Variants in PCDHB3 observed in about 807,000 individuals in gnomAD.
The protein encoded by PCDHB3 is protocadherin beta 3.
For synonymous variants in PCDHB3, 479 were observed against 456.0 expected (o/e 1.05, Z -0.64); for missense variants, 967 against 1,012.1 (o/e 0.96, Z 0.60).
Position 141,102,379 on chromosome 5 carries a change from C to G in PCDHB3, c.1730C>G (p.Pro577Arg), listed in dbSNP as rs1281090730. ...TCCGCGCCCTGCACCGAGCTGGTGC[C>G]CCGGGCGGCTGAGCCGGGCTACCTG... ...NGSAPCTELV[P>R]RAAEPGYLVT... Residue 577 changes from proline to arginine, a missense_variant, in exon 1 of 1, where the codon CCC becomes CGC. Physicochemically the swap from Pro to Arg is moderately radical, Grantham distance 103 (BLOSUM62 -2). Transcript: ENST00000231130. 4.3e-6 allele frequency: 7 copies of G among 1,611,004 alleles called. No homozygotes were observed. Among genetic ancestry groups the G allele is most frequent in the Non-Finnish European group, 5.1e-6 (6 of 1,179,692 alleles).
rs3896009 is a variant in PCDHB3 at position 141,102,518 on chromosome 5, A to G, written c.1869A>G (p.Glu623=). 0.033 allele frequency: 50,358 copies of G among 1,506,020 alleles called. 4,845 individuals are homozygous for G. The highest frequency in any genetic ancestry group is 0.074 in the South Asian group (6,348 of 85,474). 93.3% of individuals were successfully genotyped at this position (1,506,020 alleles called of 1,614,324 possible). A position where few individuals can be genotyped will look rare whatever the true frequency, so the allele number is the denominator to read the frequency against. The part of the protein sequence containing the change: ...GLFGVWAHNG[E]VRTARLLSER... ...TCGGCGTGTGGGCGCACAATGGCGA[A>G]GTGCGCACCGCCAGGCTGCTGAGCG... is the stretch of plus-strand genomic sequence containing the variant. The change falls in exon 1 of 1, where the codon GAA becomes GAG. Residue 623 remains glutamate, a synonymous_variant. Transcript: ENST00000231130.
chr5:141,102,131 G>A lies in PCDHB3; in HGVS notation c.1482G>A (p.Gln494=). The change falls in exon 1 of 1, where the codon CAG becomes CAA. Residue 494 remains glutamine (Q), a synonymous_variant. Transcript: ENST00000231130. ...TAACCTACTCGCTGCTGCCGCCCCA[G>A]GACCCGCACCTGCCCCTCTCTTCCC... ...AQVTYSLLPP[Q]DPHLPLSSLV... is the part of the protein sequence containing the mutation. 2 of 1,612,976 alleles carry A rather than the reference G, an allele frequency of 1.2e-6. No individual in the cohort carries two copies. Among genetic ancestry groups the A allele is most frequent in the Non-Finnish European group, 8.5e-7 (1 of 1,180,026 alleles).
Position 141,101,179 on chromosome 5 carries a change from A to T in PCDHB3, c.530A>T (p.His177Leu). ...AACTACACTATCACTCCGAATTCCC[A>T]CTTCCACGTACTCACTCGCAGTCGT... ...LQNYTITPNSHFHVLTRSRRD... is the reference protein window; with the variant it reads ...LQNYTITPNSLFHVLTRSRRD... Residue 177 changes from histidine (H) to leucine (L), a missense_variant, in exon 1 of 1, where the codon CAC (histidine) becomes CTC (leucine). Coordinates refer to ENST00000231130, the MANE Select transcript of PCDHB3 (RefSeq NM_018937.5). The T allele has an allele frequency of 6.2e-7, 1 of 1,614,170 alleles. No individual in the cohort carries two copies. The highest frequency in any genetic ancestry group is 1.1e-5 in the South Asian group (1 of 91,086).
At position 141,102,603 on chromosome 5, in the gene PCDHB3, C is replaced by T. The variant is rs1395640142; in HGVS notation, c.1954C>T (p.Arg652Cys). The change falls in exon 1 of 1, where the codon CGC becomes TGC. Residue 652 changes from arginine to cysteine, a missense_variant. Coordinates refer to ENST00000231130, the MANE Select transcript of PCDHB3 (RefSeq NM_018937.5). ...GGTCAAGGACAATGGCGAGCCTCCG[C>T]GCTCGGCCACCGCCACGCTGCATGT... ...VLVKDNGEPPRSATATLHVLL... is the reference protein window; with the variant it reads ...VLVKDNGEPPCSATATLHVLL... The T allele has an allele frequency of 1.3e-5, 21 of 1,608,486 alleles. No individual in the cohort carries two copies. The highest frequency in any genetic ancestry group is 1.6e-5 in the Non-Finnish European group (19 of 1,179,686).
chr5:141,101,722 AG>A lies in PCDHB3; in HGVS notation c.1074del (p.Asn359ThrfsTer15), dbSNP rs1751947676. ...TCTTCAGTAAACAGCCCTATTCCTG[AG>A]AACTCGGGAGAGACTGTACTGGCTG... ...TLSSVNSPIPENSGETVLAVF... is the reference protein window; with the variant it reads ...TLSSVNSPIPXNSGETVLAVF... On this transcript the variant is annotated frameshift_variant, in exon 1 of 1. Coordinates refer to ENST00000231130, the MANE Select transcript of PCDHB3 (RefSeq NM_018937.5). LOFTEE classifies it low-confidence loss of function (END_TRUNC). The A allele has an allele frequency of 6.2e-7, 1 of 1,613,962 alleles. No individual in the cohort carries two copies. The highest frequency in any genetic ancestry group is 1.3e-5 in the African/African-American group (1 of 75,034).
rs374259978 is a variant in PCDHB3 at position 141,101,187 on chromosome 5, G to A, written c.538G>A (p.Val180Ile). ...YTITPNSHFH[V>I]LTRSRRDGRK... ...TATCACTCCGAATTCCCACTTCCAC[G>A]TACTCACTCGCAGTCGTAGGGACGG... Residue 180 changes from valine to isoleucine, a missense_variant, in exon 1 of 1, where the codon GTA (valine) becomes ATA (isoleucine). Val to Ile is a conservative substitution (Grantham distance 29). Coordinates refer to ENST00000231130, the MANE Select transcript of PCDHB3 (RefSeq NM_018937.5). 3.1e-6 allele frequency: 5 copies of A among 1,614,086 alleles called. No individual in the cohort carries two copies. Among genetic ancestry groups the A allele is most frequent in the East Asian group, 2.2e-5 (1 of 44,878 alleles).
In PCDHB3 at chr5:141,101,762, T is replaced by C; in HGVS notation, c.1113T>C (p.Ser371=). The C allele has an allele frequency of 6.2e-7, 1 of 1,614,158 alleles. No homozygotes were observed. Among genetic ancestry groups the C allele is most frequent in the Non-Finnish European group, 8.5e-7 (1 of 1,180,036 alleles). ...CTGTACTGGCTGTTTTCAGTGTTTC[T>C]GATCTAGACTCTGGAGACAACGGAA... The part of the protein sequence containing the change: ...GETVLAVFSV[S]DLDSGDNGRV... Residue 371 remains serine (S), a synonymous_variant, in exon 1 of 1, where the codon TCT becomes TCC. Coordinates refer to ENST00000231130, the MANE Select transcript of PCDHB3 (RefSeq NM_018937.5).
Position 141,102,527 on chromosome 5 carries a change from C to A in PCDHB3, c.1878C>A (p.Thr626=). 4 of 1,608,576 alleles carry A rather than the reference C, an allele frequency of 2.5e-6. No individual in the cohort carries two copies. Among genetic ancestry groups the A allele is most frequent in the Non-Finnish European group, 3.4e-6 (4 of 1,179,606 alleles). ...GVWAHNGEVR[T]ARLLSERDAA... ...GGGCGCACAATGGCGAAGTGCGCAC[C>A]GCCAGGCTGCTGAGCGAGCGCGACG... The change falls in exon 1 of 1, where the codon ACC becomes ACA. Residue 626 remains threonine, a synonymous_variant. Coordinates refer to ENST00000231130, the MANE Select transcript of PCDHB3 (RefSeq NM_018937.5).
Position 141,101,522 on chromosome 5 carries a change from T to C in PCDHB3, c.873T>C (p.Thr291=), listed in dbSNP as rs1563835845. ...ATGCTTCTGAAGAAATTCGCAAAAC[T>C]TTTCAGCTAAATCCAATTACTGGTG... ...FFHASEEIRK[T]FQLNPITGDM... is the part of the protein sequence containing the mutation. The change falls in exon 1 of 1, where the codon ACT becomes ACC. Residue 291 remains threonine (T), a synonymous_variant. Transcript: ENST00000231130. 6.2e-7 allele frequency: 1 copy of C among 1,614,128 alleles called. No individual in the cohort carries two copies. The highest frequency in any genetic ancestry group is 1.3e-5 in the African/African-American group (1 of 75,036).
Position 141,101,818 on chromosome 5 carries a change from C to G in PCDHB3, c.1169C>G (p.Pro390Arg), listed in dbSNP as rs1294837469. The G allele has an allele frequency of 2.5e-6, 4 of 1,613,960 alleles. No individual in the cohort carries two copies. The East Asian group carries it at 6.7e-5, about 27-fold the overall frequency. Residue 390 changes from proline (P) to arginine (R), a missense_variant, in exon 1 of 1, where the codon CCC becomes CGC. Transcript: ENST00000231130. Reference protein sequence around the residue: ...RVMCSIENNLPFFLKPSVENF... With the variant: ...RVMCSIENNLRFFLKPSVENF... The stretch of plus-strand genomic sequence containing the variant: ...ATGTGTTCCATTGAGAACAATCTCC[C>G]CTTCTTCCTGAAACCATCTGTAGAG...
In PCDHB3 at chr5:141,102,103, A is replaced by T; in HGVS notation, c.1454A>T (p.Gln485Leu). 1 of 1,612,924 alleles carries T rather than the reference A, an allele frequency of 6.2e-7. No individual in the cohort carries two copies. Among genetic ancestry groups the T allele is most frequent in the Middle Eastern group, 2.0e-4 (1 of 5,022 alleles). Reference protein sequence around the residue: ...ATDRDSGTNAQVTYSLLPPQD... With the variant: ...ATDRDSGTNALVTYSLLPPQD... ...GACAGAGACTCAGGCACCAACGCCCAGGTAACCTACTCGCTGCTGCCGCCC... is the reference window on the plus strand; with the variant it reads ...GACAGAGACTCAGGCACCAACGCCCTGGTAACCTACTCGCTGCTGCCGCCC... The change falls in exon 1 of 1, where the codon CAG becomes CTG. Residue 485 changes from glutamine (Q) to leucine (L), a missense_variant. By Grantham distance (113) the Gln-to-Leu change is moderately radical. Coordinates refer to ENST00000231130, the MANE Select transcript of PCDHB3 (RefSeq NM_018937.5).
chr5:141,103,144 A>C lies in PCDHB3; in HGVS notation c.*104A>C. 7.3e-7 allele frequency: 1 copy of C among 1,374,502 alleles called. No individual in the cohort carries two copies. Among genetic ancestry groups the C allele is most frequent in the South Asian group, 1.4e-5 (1 of 69,670 alleles). 85.1% of individuals were successfully genotyped at this position (1,374,502 alleles called of 1,614,324 possible). On this transcript the variant is annotated 3_prime_UTR_variant, in exon 1 of 1. Transcript: ENST00000231130. ...GTCTTTTTTGGTCTGGTTCAAGGCAAGTAGCAAGAATAGAGCAAAATATCA... is the reference window on the plus strand; with the variant it reads ...GTCTTTTTTGGTCTGGTTCAAGGCACGTAGCAAGAATAGAGCAAAATATCA...
At position 141,101,517 on chromosome 5, in the gene PCDHB3, A is replaced by G. The variant is rs1554272307; in HGVS notation, c.868A>G (p.Lys290Glu). 6.2e-7 allele frequency: 1 copy of G among 1,614,152 alleles called. No individual in the cohort carries two copies. The highest frequency in any genetic ancestry group is 1.7e-5 in the Admixed American group (1 of 60,030). The part of the protein sequence containing the change: ...AFFHASEEIR[K>E]TFQLNPITGD... ...TTTTCATGCTTCTGAAGAAATTCGC[A>G]AAACTTTTCAGCTAAATCCAATTAC... Residue 290 changes from lysine to glutamate, a missense_variant, in exon 1 of 1, where the codon AAA becomes GAA. Transcript: ENST00000231130.
chr5:141,102,820 G>A lies in PCDHB3; in HGVS notation c.2171G>A (p.Arg724His). The change falls in exon 1 of 1, where the codon CGC (arginine) becomes CAC (histidine). Residue 724 changes from arginine to histidine, a missense_variant. Physicochemically the swap from Arg to His is conservative, Grantham distance 29 (BLOSUM62 0). Coordinates refer to ENST00000231130, the MANE Select transcript of PCDHB3 (RefSeq NM_018937.5). ...CRRSRAASVG[R>H]CSVPEGPFPG... ...AGGAGCAGGGCGGCCTCGGTGGGTC[G>A]CTGCTCGGTGCCCGAGGGCCCCTTT... 6.2e-7 allele frequency: 1 copy of A among 1,612,284 alleles called. No individual in the cohort carries two copies. The highest frequency in any genetic ancestry group is 1.1e-5 in the South Asian group (1 of 90,968).
chr5:141,101,031 G>C lies in PCDHB3; in HGVS notation c.382G>C (p.Asp128His), dbSNP rs782800605. ...TNELRIIDVN[D>H]HSPVFFENEM... ...CGAGCTCCGTATCATAGATGTAAAT[G>C]ACCATTCTCCGGTATTCTTTGAAAA... The change falls in exon 1 of 1, where the codon GAC becomes CAC. Residue 128 changes from aspartate (D) to histidine (H), a missense_variant. Transcript: ENST00000231130. 6.2e-6 allele frequency: 10 copies of C among 1,614,036 alleles called. No individual in the cohort carries two copies. Among genetic ancestry groups the C allele is most frequent in the Non-Finnish European group, 8.5e-6 (10 of 1,180,038 alleles).
At position 141,103,114 on chromosome 5, in the gene PCDHB3, G is replaced by C; in HGVS notation, c.*74G>C. The C allele has an allele frequency of 6.6e-7, 1 of 1,513,022 alleles. No homozygotes were observed. The highest frequency in any genetic ancestry group is 8.9e-7 in the Non-Finnish European group (1 of 1,128,330). The allele number at this position is 1,513,022 out of a possible 1,614,324, so 93.7% of individuals were successfully genotyped here. On this transcript the variant is annotated 3_prime_UTR_variant, in exon 1 of 1. Transcript: ENST00000231130. ...TCCTTTTTTACTGCTTTGTCCATTG[G>C]AGAGGTCTTTTTTGGTCTGGTTCAA...
chr5:141,101,210 C>T lies in PCDHB3; in HGVS notation c.561C>T (p.Asp187=), dbSNP rs374383309. The T allele has an allele frequency of 2.2e-5, 36 of 1,614,108 alleles. No individual in the cohort carries two copies. Among genetic ancestry groups the T allele is most frequent in the Non-Finnish European group, 2.7e-5 (32 of 1,180,018 alleles). ...HFHVLTRSRR[D]GRKYPELVLD... is the part of the protein sequence containing the mutation. ...ACGTACTCACTCGCAGTCGTAGGGA[C>T]GGAAGGAAGTACCCGGAACTAGTAC... Residue 187 remains aspartate (D), a synonymous_variant, in exon 1 of 1, where the codon GAC becomes GAT. Coordinates refer to ENST00000231130, the MANE Select transcript of PCDHB3 (RefSeq NM_018937.5).
chr5:141,102,137 G>A lies in PCDHB3; in HGVS notation c.1488G>A (p.Pro496=). The change falls in exon 1 of 1, where the codon CCG becomes CCA. Residue 496 remains proline (P), a synonymous_variant. Coordinates refer to ENST00000231130, the MANE Select transcript of PCDHB3 (RefSeq NM_018937.5). ...ACTCGCTGCTGCCGCCCCAGGACCC[G>A]CACCTGCCCCTCTCTTCCCTGGTCT... ...VTYSLLPPQD[P]HLPLSSLVSI... The A allele has an allele frequency of 6.2e-7, 1 of 1,612,896 alleles. No homozygotes were observed. The highest frequency in any genetic ancestry group is 8.5e-7 in the Non-Finnish European group (1 of 1,180,002).
Position 141,100,571 on chromosome 5 carries a change from T to C in PCDHB3, c.-79T>C, listed in dbSNP as rs572864204. 72 of 1,147,956 alleles carry C rather than the reference T, an allele frequency of 6.3e-5. 1 individual carries two copies. In the Middle Eastern group the frequency reaches 1.2e-3, roughly 19 times the overall value. The allele number at this position is 1,147,956 out of a possible 1,614,324, so 71.1% of individuals were successfully genotyped here. ...TTCACTAGGCCGTCTACAAAGGTTG[T>C]GGGGCAAAAGACTGTTTCCCAGCTC... On this transcript the variant is annotated 5_prime_UTR_variant, in exon 1 of 1. Coordinates refer to ENST00000231130, the MANE Select transcript of PCDHB3 (RefSeq NM_018937.5).
Sources: allele counts gnomAD v4.1 joint callset, GRCh38; gene constraint gnomAD v4.1.1; transcripts MANE v1.5; gene names NCBI Gene and HGNC (gene_info 2026-07-23, HGNC 2026-07-21).